The following GRM8 variants were observed in gnomAD, a reference collection of about 807,000 sequenced individuals.
The protein encoded by GRM8 is glutamate metabotropic receptor 8, also known as metabotropic glutamate receptor 8.
A neutral mutation model predicts 87.2 loss-of-function variants in GRM8; 47 were observed. The observed-to-expected ratio is 0.54, with a 90% CI of 0.43 to 0.69. The LOEUF (loss-of-function observed/expected upper bound fraction) is 0.69, where lower values mean the gene tolerates loss of function less well. GRM8 is among the 30% of genes least tolerant of loss of function. GRM8 has a pLI of 0.00. For synonymous variants in GRM8, 396 were observed against 404.5 expected (o/e 0.98, Z 0.25); for missense variants, 1,019 against 1,139.2 (o/e 0.89, Z 1.52).
At chr7:126,556,745 T>A (rs1793191376) in intron 8 of GRM8, among the ~76,000 whole-genome samples, 1 of 152,228 alleles carries the variant, frequency 6.6e-6, no homozygotes, top group African/African-American at 2.4e-5. Context: ...ATGGTTCAGA[T>A]TATTTATTTT....
At chr7:127,032,089 C>T (rs1437455287) in intron 3 of GRM8, among the ~76,000 whole-genome samples, 3 of 152,132 alleles carry the variant, frequency 2.0e-5, no homozygotes, top group Non-Finnish European at 2.9e-5. Flanking sequence ...CCATATCTAT[C>T]CTATCACACC....
intron 3 of GRM8, among the ~76,000 whole-genome samples, chr7:127,097,046 G>C (rs1339899963): frequency 6.6e-6 from 1 of 152,128 alleles, no homozygotes; most frequent in African/African-American, 2.4e-5. Flanking sequence ...AATTCATGAA[G>C]AGCCTGTTAC....
chr7:126,723,077 G>T (rs186284320), intron 7 of GRM8, among the ~76,000 whole-genome samples: 1 of 149,642 alleles, frequency 6.7e-6, no homozygotes, highest in African/African-American at 2.5e-5. Context: ...TTTCTTTGGA[G>T]GGTGCTTTTC....
intron 3 of GRM8, among the ~76,000 whole-genome samples, chr7:127,103,204 G>A (rs1825484725): frequency 6.6e-6 from 1 of 152,168 alleles, no homozygotes. Context: ...AATGGAAAAG[G>A]ACATGAGATT....
At chr7:126,453,209 T>G (rs967728330) in intron 9 of GRM8, among the ~76,000 whole-genome samples, 7 of 151,750 alleles carry the variant, frequency 4.6e-5, no homozygotes, top group Non-Finnish European at 8.8e-5. Flanking sequence ...AATTTAACTC[T>G]GGGAAAAATC....
chr7:126,662,664 T>C (rs1455553736), intron 7 of GRM8, among the ~76,000 whole-genome samples: 1 of 152,046 alleles, frequency 6.6e-6, no homozygotes, highest in Non-Finnish European at 1.5e-5. Flanking sequence ...AAACTTAGAG[T>C]CAGGAAAGCT....
intron 6 of GRM8, among the ~76,000 whole-genome samples, chr7:126,825,141 C>T (rs1794642713): frequency 6.6e-6 from 1 of 152,136 alleles, no homozygotes; most frequent in South Asian, 2.1e-4. Context: ...GACCTCGGCT[C>T]ACTGCAACCT....
At chr7:126,533,924 C>A (rs1270628528) in intron 8 of GRM8, 37 bp from the exon 9 acceptor site, 1 of 1,471,992 alleles carries the variant, frequency 6.8e-7, no homozygotes. Context: ...TTCCATTTTT[C>A]CCCCATTTAT....
chr7:126,844,409 A>G (rs1373733624), intron 6 of GRM8, among the ~76,000 whole-genome samples: 1 of 152,210 alleles, frequency 6.6e-6, no homozygotes, highest in Admixed American at 6.5e-5. Context: ...TTGCAATCGT[A>G]TATAAATATG....
rs192965704 is a variant in GRM8, at chr7:127,066,455, T to A, written c.727+40041A>T. On this transcript the variant is annotated intron_variant, in intron 3 of 10. Coordinates refer to ENST00000339582, the MANE Select transcript of GRM8 (RefSeq NM_000845.3). The stretch of plus-strand genomic sequence containing the variant: ...AGCATTTAAGAGTTTACAAGGTACT[T>A]TCTCAGACATTATCTCATTTGATAC... Among the ~76,000 whole-genome samples the A allele has an allele frequency of 1.9e-4, 29 of 152,300 alleles. No individual in the cohort carries two copies. In the East Asian group the frequency reaches 2.9e-3, roughly 15 times the overall value.
intron 2 of GRM8, among the ~76,000 whole-genome samples, chr7:127,137,624 T>TACA (rs1036583640): frequency 6.6e-6 from 1 of 152,164 alleles, no homozygotes; most frequent in African/African-American, 2.4e-5. Context: ...AATGAGCTGT[T>TACA]GTTTTTCTAC....
intron 2 of GRM8, chr7:127,229,776 C>T (rs1797565988): frequency 6.6e-6 from 1 of 152,174 alleles, no homozygotes; most frequent in African/African-American, 2.4e-5. Context: ...AGATCTACGA[C>T]CACCTTTTGA....
intron 3 of GRM8, among the ~76,000 whole-genome samples, chr7:126,957,437 C>T (rs1178355288): frequency 6.6e-6 from 1 of 152,150 alleles, no homozygotes; most frequent in Non-Finnish European, 1.5e-5. Flanking sequence ...CAGCTGCAGC[C>T]ACCCAGCTGC....
At chr7:126,617,588 T>C (rs1009849528) in intron 7 of GRM8, among the ~76,000 whole-genome samples, 2 of 152,132 alleles carry the variant, frequency 1.3e-5, no homozygotes, top group African/African-American at 4.8e-5. Context: ...AGTCAAATTG[T>C]CCCTGTTTGC....
At chr7:126,894,431 C>T (rs1265158204) in intron 6 of GRM8, among the ~76,000 whole-genome samples, 2 of 152,000 alleles carry the variant, frequency 1.3e-5, no homozygotes, top group African/African-American at 4.8e-5. Context: ...ATGCCAGCTT[C>T]TGTTGTGGGT....
intron 3 of GRM8, among the ~76,000 whole-genome samples, chr7:127,099,396 T>C (rs1336253718): frequency 6.6e-6 from 1 of 152,134 alleles, no homozygotes; most frequent in Non-Finnish European, 1.5e-5. Flanking sequence ...CCAGGTGTCA[T>C]CAAAGAGAAG....
At chr7:127,194,081 G>T (rs1461482854) in intron 2 of GRM8, among the ~76,000 whole-genome samples, 2 of 152,130 alleles carry the variant, frequency 1.3e-5, no homozygotes, top group Non-Finnish European at 2.9e-5. Context: ...CTCCTCCAAT[G>T]ACTGAGTCCA....
intron 2 of GRM8, among the ~76,000 whole-genome samples, chr7:127,166,778 C>T (rs185640106): frequency 1.3e-5 from 2 of 152,158 alleles, no homozygotes; most frequent in Admixed American, 1.3e-4. Context: ...CTTATGGAGT[C>T]CTCTTATGAA....
intron 9 of GRM8, among the ~76,000 whole-genome samples, chr7:126,501,728 G>C (rs1809678042): frequency 1.3e-5 from 2 of 151,988 alleles, no homozygotes; most frequent in South Asian, 4.1e-4. Flanking sequence ...TCAGAGAGCA[G>C]GTTCAGGCAG....
Sources: allele counts gnomAD v4.1 joint callset (sites outside exome capture counted in the v4.1 genomes callset), GRCh38; gene constraint gnomAD v4.1.1; transcripts MANE v1.5; gene names NCBI Gene and HGNC (gene_info 2026-07-23, HGNC 2026-07-21).